Variants in ANKRD24 observed in about 807,000 individuals in gnomAD.
ANKRD24 encodes the protein ankyrin repeat domain 24.
A neutral mutation model predicts 127.8 loss-of-function variants in ANKRD24; 109 were observed. The ratio of observed to expected loss-of-function variants is 0.85; its 90% CI spans 0.73 to 1.00. The LOEUF (loss-of-function observed/expected upper bound fraction) is 1.00, where lower values mean the gene tolerates loss of function less well. ANKRD24 is among the 50% of genes least tolerant of loss of function. The pLI is 0.00. For missense variants in ANKRD24, 1,648 were observed against 1,570.2 expected, an observed-to-expected ratio of 1.05 and a Z score of -0.84; for synonymous variants, 743 against 671.1, an observed-to-expected ratio of 1.11 and a Z score of -1.66.
Position 4,198,484 on chromosome 19 carries a change from C to T in ANKRD24, c.37-1199C>T. On this transcript the variant is annotated intron_variant, in intron 2 of 21. Coordinates refer to ENST00000318934, the MANE Select transcript of ANKRD24 (RefSeq NM_001393985.1). This position sits in a 1 kb window ranked among gnomAD's most constrained non-coding sequence, Gnocchi z 6.1. ...CCCGTGCGCCCCCCGCGCCCCGCGC[C>T]CCGGACGCCATGAAGCAGCTGTGTC... 1 of 623,324 alleles carries T rather than the reference C, an allele frequency of 1.6e-6. No individual in the cohort carries two copies. Among genetic ancestry groups the T allele is most frequent in the Non-Finnish European group, 2.9e-6 (1 of 346,376 alleles). 38.6% of individuals were successfully genotyped at this position (623,324 alleles called of 1,614,324 possible). A position where few individuals can be genotyped will look rare whatever the true frequency, so the allele number is the denominator to read the frequency against.
At chr19:4,191,909 G>C (rs1487720357) in intron 2 of ANKRD24, among the ~76,000 whole-genome samples, 5 of 151,612 alleles carry the variant, frequency 3.3e-5, no homozygotes, top group Non-Finnish European at 7.4e-5. Context: ...AGCCTCCCGA[G>C]TAGCTGAGAT....
chr19:4,220,970 C>T (rs1373120753), intron 19 of ANKRD24, among the ~76,000 whole-genome samples: 1 of 151,378 alleles, frequency 6.6e-6, no homozygotes, highest in East Asian at 1.9e-4. Context: ...AATCTCAGAT[C>T]ATTGCAGCTT....
At chr19:4,184,437 C>T (rs1967936703) in intron 1 of ANKRD24, among the ~76,000 whole-genome samples, 1 of 152,212 alleles carries the variant, frequency 6.6e-6, no homozygotes, top group South Asian at 2.1e-4. Context: ...TACCCAGGTA[C>T]CCTGACACAC....
At chr19:4,209,010 A>G in intron 11 of ANKRD24, 1 of 307,850 alleles carries the variant, frequency 3.2e-6, no homozygotes, top group Non-Finnish European at 6.3e-6. Context: ...ATGGGGCCAA[A>G]TTATGGGGCT....
chr19:4,211,708 G>A (rs1249130283), intron 13 of ANKRD24, among the ~76,000 whole-genome samples: 4 of 152,088 alleles, frequency 2.6e-5, no homozygotes, highest in Admixed American at 6.6e-5. Flanking sequence ...TGGATGGAAC[G>A]GTGCCTGGCA....
At chr19:4,189,949 A>ATC (rs1968289124) in intron 2 of ANKRD24, among the ~76,000 whole-genome samples, 1 of 152,142 alleles carries the variant, frequency 6.6e-6, no homozygotes, top group South Asian at 2.1e-4. Flanking sequence ...ATTGATTGAA[A>ATC]AGAGAATGGG....
intron 11 of ANKRD24, chr19:4,209,116 G>T (rs746357757): frequency 1.2e-5 from 3 of 252,286 alleles, no homozygotes; most frequent in African/African-American, 2.3e-5. Flanking sequence ...GTTTTTTTGT[G>T]TTTTTTTTCC....
At chr19:4,224,228 G>C in intron 21 of ANKRD24, 36 bp downstream of exon 21, 1 of 1,581,056 alleles carries the variant, frequency 6.3e-7, no homozygotes, top group South Asian at 1.1e-5. Context: ...CGGTGGCTTT[G>C]GGCATACCAC....
At chr19:4,204,654 G>C (rs1224204472) in intron 7 of ANKRD24, among the ~76,000 whole-genome samples, 1 of 152,160 alleles carries the variant, frequency 6.6e-6, no homozygotes, top group African/African-American at 2.4e-5. Flanking sequence ...CGCTGTCCCC[G>C]TGAAATTCAG....
chr19:4,209,109 T>C (rs1190653159), intron 11 of ANKRD24: 3 of 262,648 alleles, frequency 1.1e-5, no homozygotes, highest in African/African-American at 2.3e-5. Context: ...TCTTTCAGTT[T>C]TTTTGTGTTT....
At chr19:4,186,642 T>C (rs1012143745) in intron 2 of ANKRD24, among the ~76,000 whole-genome samples, 181 bp downstream of exon 2, 1 of 152,068 alleles carries the variant, frequency 6.6e-6, no homozygotes, top group Non-Finnish European at 1.5e-5. Flanking sequence ...CCCAGGCCTT[T>C]ACCCAGGCCC....
Position 4,202,915 on chromosome 19 carries a change from TACA to T in ANKRD24, c.456_458del (p.His154del). The T allele has an allele frequency of 1.3e-6, 2 of 1,578,980 alleles. No individual in the cohort carries two copies. The highest frequency in any genetic ancestry group is 1.7e-6 in the Non-Finnish European group (2 of 1,162,760). On this transcript the variant is annotated inframe_deletion, in exon 7 of 22. Coordinates refer to ENST00000318934, the MANE Select transcript of ANKRD24 (RefSeq NM_001393985.1). ...GTGGACAGCAGCGGGTGGACTGCCCTACACCATGCAGGTGGGTGCAGCCCAGCC... is the reference window on the plus strand; with the variant it reads ...GTGGACAGCAGCGGGTGGACTGCCCTCCATGCAGGTGGGTGCAGCCCAGCC...
At chr19:4,215,440 G>A (rs998048669) in intron 15 of ANKRD24, among the ~76,000 whole-genome samples, 8 of 148,240 alleles carry the variant, frequency 5.4e-5, no homozygotes, top group Non-Finnish European at 1.0e-4. Context: ...AGCCGAGATC[G>A]TGCCATGGCA....
intron 11 of ANKRD24, 196 bp downstream of exon 11, chr19:4,208,997 T>G: frequency 4.1e-5 from 17 of 410,924 alleles, no homozygotes; most frequent in Non-Finnish European, 5.3e-5. Context: ...GTGAGAATAC[T>G]GGATGGGGCC....
intron 9 of ANKRD24, 85 bp from the exon 10 acceptor site, chr19:4,207,696 T>C (rs1969471800): frequency 6.3e-7 from 1 of 1,593,556 alleles, no homozygotes. Flanking sequence ...GCCAGCCTCC[T>C]CTTCCCAGCC....
At position 4,212,456 on chromosome 19, in the gene ANKRD24, TC is replaced by T; in HGVS notation, c.1060-16del. ...CCTCTTGCCCAGATCCAAACCCCTG[TC>T]CCTGTTTCTCCCGTCAGTCCCCGGA... On this transcript the variant is annotated intron_variant, in intron 13 of 21. Coordinates refer to ENST00000318934, the MANE Select transcript of ANKRD24 (RefSeq NM_001393985.1). The T allele has an allele frequency of 6.4e-7, 1 of 1,574,286 alleles. No homozygotes were observed. The highest frequency in any genetic ancestry group is 8.6e-7 in the Non-Finnish European group (1 of 1,161,954).
Position 4,219,907 on chromosome 19 carries a change from G to C in ANKRD24, c.3171+149G>C, listed in dbSNP as rs577534850. 584 of 923,840 alleles carry C rather than the reference G, an allele frequency of 6.3e-4. 4 individuals carry two copies. The highest frequency in any genetic ancestry group is 3.0e-3 in the South Asian group (134 of 45,204). The allele number at this position is 923,840 out of a possible 1,614,324, so 57.2% of individuals were successfully genotyped here. On this transcript the variant is annotated intron_variant, in intron 19 of 21. Transcript: ENST00000318934. ...GAGGCTCAGAAACGGAAGGGGACCTGGTTACAGCCTCTGACAAGTCAGACA... is the reference window on the plus strand; with the variant it reads ...GAGGCTCAGAAACGGAAGGGGACCTCGTTACAGCCTCTGACAAGTCAGACA...
rs771062165 is a variant in ANKRD24 at position 4,217,187 on chromosome 19, G to C, written c.2027G>C (p.Gly676Ala). 6 of 1,610,368 alleles carry C rather than the reference G, an allele frequency of 3.7e-6. No homozygotes were observed. The highest frequency in any genetic ancestry group is 5.1e-6 in the Non-Finnish European group (6 of 1,177,760). Residue 676 changes from glycine (G) to alanine (A), a missense_variant, in exon 18 of 22, where the codon GGC becomes GCC. Transcript: ENST00000318934. ...GGGACCACAAACATGGAGGCCACGG[G>C]CTCTAGGGCCACAGGGATGGAATCC... is the stretch of plus-strand genomic sequence containing the variant. Reference protein sequence around the residue: ...VTGTTNMEATGSRATGMESTG... With the variant: ...VTGTTNMEATASRATGMESTG...
rs765386783 is a variant in ANKRD24 at position 4,195,808 on chromosome 19, T to C, written c.37-3875T>C. Among the ~76,000 whole-genome samples, 2 of 152,156 alleles carry C rather than the reference T, an allele frequency of 1.3e-5. No individual in the cohort carries two copies. Among genetic ancestry groups the C allele is most frequent in the South Asian group, 2.1e-4 (1 of 4,830 alleles). On this transcript the variant is annotated intron_variant, in intron 2 of 21. Coordinates refer to ENST00000318934, the MANE Select transcript of ANKRD24 (RefSeq NM_001393985.1). The surrounding 1 kb of genome is among the most constrained non-coding windows in gnomAD (Gnocchi z 4.2). ...ACTCGGGAAGCTGAAGCAGGAGAAT[T>C]GCTTGAACCCGGGAGGCAGAGCTTG...
Sources: allele counts gnomAD v4.1 joint callset (sites outside exome capture counted in the v4.1 genomes callset), GRCh38; gene constraint gnomAD v4.1.1; non-coding constraint Gnocchi (gnomAD v3.1); transcripts MANE v1.5; gene names NCBI Gene and HGNC (gene_info 2026-07-23, HGNC 2026-07-21).